The following WBP11 variants were observed in gnomAD, a reference collection of about 807,000 sequenced individuals.
The protein encoded by WBP11 is WW domain-binding protein 11.
In WBP11, 12 loss-of-function variants were observed where a neutral mutation model predicts 66.7. The observed-to-expected ratio is 0.18, with a 90% CI of 0.12 to 0.29. The LOEUF is 0.29. Among genes scored for constraint, WBP11 ranks in the 10% least tolerant of loss-of-function variants. WBP11 has a pLI of 1.00. For missense variants in WBP11, 555 were observed against 818.3 expected (o/e 0.68, Z 3.93); for synonymous variants, 255 against 273.8 (o/e 0.93, Z 0.68).
chr12:14,796,973 T>C lies in WBP11; in HGVS notation c.221A>G (p.Asn74Ser). Reference protein sequence around the residue: ...EFNPVQQPQLNEKVLKDKRKK... With the variant: ...EFNPVQQPQLSEKVLKDKRKK... ...ACGCTTGTCTTTCAGTACTTTCTCA[T>C]TTAATTGTGGCTGTTGCACTGGGTT... Residue 74 changes from asparagine to serine, a missense_variant, in exon 5 of 12, where the codon AAT becomes AGT. This residue lies in a region of WBP11 where 43 missense variants were observed against 142.1 expected (regional missense o/e 0.30). Coordinates refer to ENST00000261167, the MANE Select transcript of WBP11 (RefSeq NM_016312.3). The surrounding 1 kb of genome is among the most constrained non-coding windows in gnomAD (Gnocchi z 4.5). The C allele has an allele frequency of 1.2e-6, 2 of 1,604,976 alleles. No homozygotes were observed. Among genetic ancestry groups the C allele is most frequent in the Non-Finnish European group, 1.7e-6 (2 of 1,177,504 alleles).
In WBP11 at chr12:14,785,892, C is replaced by G. The variant is rs923402580; in HGVS notation, c.*1173G>C. The G allele has an allele frequency of 1.3e-5, 2 of 152,214 alleles. No homozygotes were observed. Among genetic ancestry groups the G allele is most frequent in the African/African-American group, 4.8e-5 (2 of 41,532 alleles). The allele number at this position is 152,214 out of a possible 1,614,324, so 9.4% of individuals were successfully genotyped here. ...TCTAATGTAAAATGGGGAAAATACC[C>G]AGAAAAGTTATCTATAGGGTTAATT... On this transcript the variant is annotated 3_prime_UTR_variant, in exon 12 of 12. Coordinates refer to ENST00000261167, the MANE Select transcript of WBP11 (RefSeq NM_016312.3).
Position 14,787,071 on chromosome 12 carries a change from T to A in WBP11, c.1920A>T (p.Leu640=). 6.2e-7 allele frequency: 1 copy of A among 1,611,600 alleles called. No homozygotes were observed. The highest frequency in any genetic ancestry group is 8.5e-7 in the Non-Finnish European group (1 of 1,177,924). ...TTTCTGGCATCAAAAGCTGTCACAGTAGCCCTTCCATCTCTTTCATGAAAG... is the reference window on the plus strand; with the variant it reads ...TTTCTGGCATCAAAAGCTGTCACAGAAGCCCTTCCATCTCTTTCATGAAAG... ...YEAFMKEMEG[L]L The change falls in exon 12 of 12, where the codon CTA becomes CTT. Residue 640 remains leucine (L), a synonymous_variant. Coordinates refer to ENST00000261167, the MANE Select transcript of WBP11 (RefSeq NM_016312.3).
intron 8 of WBP11, among the ~76,000 whole-genome samples, chr12:14,792,581 C>T (rs1306810299): frequency 6.6e-6 from 1 of 151,854 alleles, no homozygotes; most frequent in African/African-American, 2.4e-5. Flanking sequence ...GCCTGTATTC[C>T]CAGCACTTTG....
Position 14,799,567 on chromosome 12 carries a change from C to T in WBP11, c.190+68G>A, listed in dbSNP as rs1949934728. ...TTCTGTTTTACTTACGCCTATGCTG[C>T]TTCACTCGTTACCTGCCTGCCTCTG... On this transcript the variant is annotated intron_variant, in intron 4 of 11. Transcript: ENST00000261167. 4 of 1,453,306 alleles carry T rather than the reference C, an allele frequency of 2.8e-6. No homozygotes were observed. The South Asian group carries it at 4.8e-5, about 17-fold the overall frequency. The allele number at this position is 1,453,306 out of a possible 1,614,324, so 90.0% of individuals were successfully genotyped here.
intron 1 of WBP11, 54 bp from the exon 2 acceptor site, chr12:14,801,482 T>C: frequency 8.5e-7 from 1 of 1,177,738 alleles, no homozygotes; most frequent in Non-Finnish European, 1.2e-6. Flanking sequence ...TATTTCTTCC[T>C]TTTTCTAGTC....
At chr12:14,792,373 T>C (rs1015443415) in intron 8 of WBP11, among the ~76,000 whole-genome samples, 1 of 152,180 alleles carries the variant, frequency 6.6e-6, no homozygotes, top group Non-Finnish European at 1.5e-5. Context: ...GTAAACATTT[T>C]AGGAGAATAG....
At chr12:14,792,746 T>A (rs1291177389) in intron 8 of WBP11, among the ~76,000 whole-genome samples, 1 of 151,090 alleles carries the variant, frequency 6.6e-6, no homozygotes, top group African/African-American at 2.4e-5. Context: ...GGCAGGAGAA[T>A]CGCTTGAACC....
intron 8 of WBP11, 105 bp from the exon 9 acceptor site, chr12:14,791,375 T>C: frequency 2.5e-6 from 2 of 802,464 alleles, no homozygotes; most frequent in Non-Finnish European, 4.0e-6. Flanking sequence ...TACCCACTAC[T>C]TGGCAGAGGT....
intron 4 of WBP11, among the ~76,000 whole-genome samples, chr12:14,797,690 A>C (rs1008775974): frequency 6.6e-6 from 1 of 152,190 alleles, no homozygotes; most frequent in Non-Finnish European, 1.5e-5. Context: ...CCAAACTGGG[A>C]CCAGAACATT....
At position 14,786,864 on chromosome 12, in the gene WBP11, C is replaced by T; in HGVS notation, c.*201G>A. The T allele has an allele frequency of 1.7e-6, 1 of 572,036 alleles. No individual in the cohort carries two copies. The highest frequency in any genetic ancestry group is 3.0e-6 in the Non-Finnish European group (1 of 329,034). 35.4% of individuals were successfully genotyped at this position (572,036 alleles called of 1,614,324 possible). ...GGAATGGATGTTAGCAGCACTGCTT[C>T]AATAACTGATCTATTCTGGATGAAA... is the stretch of plus-strand genomic sequence containing the variant. On this transcript the variant is annotated 3_prime_UTR_variant, in exon 12 of 12. Coordinates refer to ENST00000261167, the MANE Select transcript of WBP11 (RefSeq NM_016312.3).
chr12:14,787,310 T>C lies in WBP11; in HGVS notation c.1681A>G (p.Thr561Ala). The C allele has an allele frequency of 4.3e-6, 7 of 1,614,152 alleles. No homozygotes were observed. The highest frequency in any genetic ancestry group is 5.9e-6 in the Non-Finnish European group (7 of 1,180,014). The change falls in exon 12 of 12, where the codon ACC becomes GCC. Residue 561 changes from threonine to alanine, a missense_variant. Transcript: ENST00000261167. ...AATIEKKATA[T>A]ISAKPQITNP... ...GTGATCTGTGGCTTGGCACTGATGG[T>C]TGCTGTGGCTTTCTTCTCAATGGTG...
At chr12:14,792,225 AAAAC>A (rs1452821062) in intron 8 of WBP11, among the ~76,000 whole-genome samples, 3 of 152,188 alleles carry the variant, frequency 2.0e-5, no homozygotes, top group African/African-American at 7.2e-5. Context: ...GAACTTAAAA[AAAAC>A]AAAAAAAGTT....
At chr12:14,794,069 A>G in intron 7 of WBP11, 147 bp from the exon 8 acceptor site, 2 of 630,340 alleles carry the variant, frequency 3.2e-6, no homozygotes, top group Non-Finnish European at 4.9e-6. Flanking sequence ...TCTTGTATAT[A>G]TAGCTACTCA....
intron 3 of WBP11, among the ~76,000 whole-genome samples, chr12:14,800,266 A>G (rs2078890288): frequency 6.6e-6 from 1 of 152,078 alleles, no homozygotes; most frequent in Non-Finnish European, 1.5e-5. Flanking sequence ...CTTTTGAAGT[A>G]CTTTGCCACA....
rs1261103104 is a variant in WBP11 at position 14,799,669 on chromosome 12, C to T, written c.156G>A (p.Gln52=). The T allele has an allele frequency of 6.2e-7, 1 of 1,613,558 alleles. No homozygotes were observed. The highest frequency in any genetic ancestry group is 8.5e-7 in the Non-Finnish European group (1 of 1,179,730). The part of the protein sequence containing the change: ...AAVLKMKDPK[Q]IIRDMEKLDE... ...CCAATTTCTCCATGTCTCGGATTAT[C>T]TGTTTTGGATCCTTCATCTTTAAAA... Residue 52 remains glutamine, a synonymous_variant, in exon 4 of 12, where the codon CAG becomes CAA. Coordinates refer to ENST00000261167, the MANE Select transcript of WBP11 (RefSeq NM_016312.3).
At chr12:14,800,356 C>CAT (rs1421442313) in intron 3 of WBP11, among the ~76,000 whole-genome samples, 2 of 151,686 alleles carry the variant, frequency 1.3e-5, no homozygotes, top group African/African-American at 4.8e-5. Context: ...TATAAACCTA[C>CAT]ATATATATAT....
At chr12:14,802,309 G>A (rs946080347) in intron 1 of WBP11, among the ~76,000 whole-genome samples, 1 of 152,112 alleles carries the variant, frequency 6.6e-6, no homozygotes, top group Admixed American at 6.5e-5. Flanking sequence ...GGACAAATTT[G>A]CTTCCTTTTG....
chr12:14,801,469 A>G, intron 1 of WBP11, 41 bp from the exon 2 acceptor site: 1 of 1,326,574 alleles, frequency 7.5e-7, no homozygotes, highest in South Asian at 1.2e-5. Flanking sequence ...TATCTCCTAA[A>G]TGTATTTCTT....
intron 10 of WBP11, 51 bp from the exon 11 acceptor site, chr12:14,789,184 A>G: frequency 6.8e-7 from 1 of 1,460,270 alleles, no homozygotes. Context: ...ACACTAAGTA[A>G]TAATTATGGC....
Sources: gnomAD v4.1 joint callset for allele counts (sites outside exome capture counted in the v4.1 genomes callset) on GRCh38, gnomAD v4.1.1 for gene constraint, gnomAD v4.1.1 regional missense constraint, Gnocchi (gnomAD v3.1) non-coding constraint, MANE v1.5 for transcripts, NCBI Gene and HGNC (gene_info 2026-07-23, HGNC 2026-07-21) for gene names.